The following COMMD10 variants were observed in gnomAD, a reference collection of about 807,000 sequenced individuals.
The protein encoded by COMMD10 is COMM domain containing 10.
In COMMD10, 33 loss-of-function variants were observed where a neutral mutation model predicts 28.9. That is an observed-to-expected ratio of 1.14 (90% CI 0.87 to 1.53). The LOEUF (loss-of-function observed/expected upper bound fraction) is 1.53, where lower values mean the gene tolerates loss of function less well. Among genes scored for constraint, COMMD10 ranks in the 40% most tolerant of loss-of-function variants. The pLI is 0.00. For missense variants in COMMD10, 310 were observed against 233.4 expected, an observed-to-expected ratio of 1.33 and a Z score of -2.14; for synonymous variants, 110 against 81.7, an observed-to-expected ratio of 1.35 and a Z score of -1.87.
At chr5:116,271,135 T>C (rs1750741283) in intron 5 of COMMD10, among the ~76,000 whole-genome samples, 2 of 150,998 alleles carry the variant, frequency 1.3e-5, no homozygotes, top group Admixed American at 1.3e-4. Context: ...TAAAACACTA[T>C]TTCAGTACTT....
chr5:116,086,665 G>C (rs1750109077), intron 1 of COMMD10, among the ~76,000 whole-genome samples: 2 of 152,106 alleles, frequency 1.3e-5, no homozygotes, highest in Non-Finnish European at 2.9e-5. Context: ...TCACCATGTT[G>C]GCTAGGCTGG....
intron 5 of COMMD10, among the ~76,000 whole-genome samples, chr5:116,147,590 T>TAC (rs1752390793): frequency 6.6e-6 from 1 of 151,858 alleles, no homozygotes; most frequent in South Asian, 2.1e-4. Context: ...AGTGAAACTG[T>TAC]ATGTTGTGAT....
At chr5:116,292,149 TA>T (rs922052040) in intron 6 of COMMD10, among the ~76,000 whole-genome samples, 33 of 148,630 alleles carry the variant, frequency 2.2e-4, no homozygotes, top group East Asian at 3.9e-4. Context: ...CATGTCTCAT[TA>T]AAAAAAAAAT....
intron 5 of COMMD10, among the ~76,000 whole-genome samples, chr5:116,184,220 CT>C (rs1554098541): frequency 8.8e-4 from 53 of 60,278 alleles, no homozygotes; most frequent in Non-Finnish European, 9.1e-4. Context: ...TTCTGTCTCT[CT>C]TTTTTTTTTT....
At chr5:116,140,023 T>C (rs1752146630) in intron 5 of COMMD10, among the ~76,000 whole-genome samples, 1 of 151,748 alleles carries the variant, frequency 6.6e-6, no homozygotes, top group South Asian at 2.1e-4. Flanking sequence ...TTATATGCTT[T>C]AACCTGCTTC....
chr5:116,089,602 G>T (rs2112707857), intron 2 of COMMD10, among the ~76,000 whole-genome samples: 1 of 152,304 alleles, frequency 6.6e-6, no homozygotes, highest in Non-Finnish European at 1.5e-5. Context: ...ATGGAGTTGA[G>T]AATAGTTAGT....
intron 4 of COMMD10, among the ~76,000 whole-genome samples, chr5:116,108,977 G>T (rs1324482583): frequency 6.6e-6 from 1 of 152,012 alleles, no homozygotes; most frequent in Non-Finnish European, 1.5e-5. Flanking sequence ...GTGCTTCCCG[G>T]GTGAGGCAAT....
At chr5:116,193,397 A>G (rs936185111) in intron 5 of COMMD10, among the ~76,000 whole-genome samples, 11 of 152,218 alleles carry the variant, frequency 7.2e-5, no homozygotes, top group Non-Finnish European at 1.3e-4. Flanking sequence ...GAATTTACCA[A>G]CAAACTATCT....
chr5:116,145,537 C>T (rs55759160), intron 5 of COMMD10, among the ~76,000 whole-genome samples: 29,571 of 151,552 alleles, frequency 0.2, 4,510 homozygotes, highest in African/African-American at 0.44. Flanking sequence ...GTGTTCGGGG[C>T]AGGGTGGTAA....
intron 4 of COMMD10, among the ~76,000 whole-genome samples, chr5:116,098,552 T>G (rs1750542217): frequency 6.6e-6 from 1 of 152,220 alleles, no homozygotes; most frequent in Admixed American, 6.5e-5. Context: ...GTGTTGTCAT[T>G]GTATTAGTTA....
rs1227483285 is a variant in COMMD10, at chr5:116,287,000, CA to C, written c.511-4514del. Among the ~76,000 whole-genome samples, 13 of 151,842 alleles carry C rather than the reference CA, an allele frequency of 8.6e-5. 1 individual carries two copies. Among genetic ancestry groups the C allele is most frequent in the African/African-American group, 2.9e-4 (12 of 41,306 alleles). On this transcript the variant is annotated intron_variant, in intron 5 of 6. Coordinates refer to ENST00000274458, the MANE Select transcript of COMMD10 (RefSeq NM_016144.4). ...TGTTGTCAAATTTCTTCAATCCTGC[CA>C]AAGTTTGTTCCATATATTTAGATTC...
intron 5 of COMMD10, among the ~76,000 whole-genome samples, chr5:116,263,471 T>C (rs752446964): frequency 5.9e-5 from 9 of 151,842 alleles, no homozygotes; most frequent in Admixed American, 2.6e-4. Flanking sequence ...CCACATCTTA[T>C]AGAGAATCCC....
chr5:116,163,229 C>T (rs1266283398), intron 5 of COMMD10, among the ~76,000 whole-genome samples: 1 of 140,410 alleles, frequency 7.1e-6, no homozygotes, highest in African/African-American at 2.9e-5. Context: ...TTTTTAAAAG[C>T]ATCTTTGTAA....
intron 5 of COMMD10, among the ~76,000 whole-genome samples, chr5:116,257,876 A>C (rs1750335788): frequency 6.6e-6 from 1 of 151,714 alleles, no homozygotes; most frequent in South Asian, 2.1e-4. Context: ...TGGGAGAAGT[A>C]ATTTTCCAAG....
chr5:116,117,060 A>G (rs947796179), intron 4 of COMMD10, among the ~76,000 whole-genome samples: 1 of 152,174 alleles, frequency 6.6e-6, no homozygotes, highest in Non-Finnish European at 1.5e-5. Flanking sequence ...TTTGACTGTC[A>G]CTCAAAATAA....
chr5:116,267,129 G>T (rs1388545015), intron 5 of COMMD10, among the ~76,000 whole-genome samples: 3 of 151,668 alleles, frequency 2.0e-5, no homozygotes, highest in East Asian at 1.9e-4. Context: ...ATAAAGGGTA[G>T]TCAATTAGGA....
chr5:116,281,876 G>A (rs1255855398), intron 5 of COMMD10, among the ~76,000 whole-genome samples: 1 of 151,832 alleles, frequency 6.6e-6, no homozygotes, highest in East Asian at 1.9e-4. Flanking sequence ...TTATGGCTCA[G>A]CCTCAGGCTA....
intron 5 of COMMD10, among the ~76,000 whole-genome samples, chr5:116,176,727 T>C (rs936583441): frequency 3.3e-5 from 5 of 152,178 alleles, no homozygotes; most frequent in African/African-American, 4.8e-5. Context: ...TTCCTAGTTA[T>C]TGATTCTCAT....
intron 5 of COMMD10, among the ~76,000 whole-genome samples, chr5:116,277,693 T>C (rs1580606463): frequency 6.6e-6 from 1 of 152,016 alleles, no homozygotes; most frequent in East Asian, 1.9e-4. Context: ...CATTCACTGA[T>C]AAGAAGTGTA....
Sources: gnomAD v4.1 joint callset for allele counts (sites outside exome capture counted in the v4.1 genomes callset) on GRCh38, gnomAD v4.1.1 for gene constraint, MANE v1.5 for transcripts, NCBI Gene and HGNC (gene_info 2026-07-23, HGNC 2026-07-21) for gene names.